The following SPIDR variants were observed in gnomAD, a reference collection of about 807,000 sequenced individuals.
SPIDR encodes the protein scaffold protein involved in DNA repair.
SPIDR carries 93 observed loss-of-function variants against 104.6 expected under a neutral mutation model. That is an observed-to-expected ratio of 0.89 (90% confidence interval 0.75 to 1.06). SPIDR has a LOEUF of 1.06. Ranked by LOEUF, SPIDR falls within the 50% of genes least tolerant of loss-of-function variation. The probability of loss-of-function intolerance (pLI) is 0.00; values close to 1 mark genes in which losing one functional copy is unlikely to be tolerated. For synonymous variants in SPIDR, 431 were observed against 416.9 expected, an observed-to-expected ratio of 1.03 and a Z score of -0.41; for missense variants, 1,154 against 1,111.2, an observed-to-expected ratio of 1.04 and a Z score of -0.55.
rs567311473 is a variant in SPIDR at position 47,702,992 on chromosome 8, G to A, written c.1977+977G>A. On this transcript the variant is annotated intron_variant, in intron 14 of 19. Coordinates refer to ENST00000297423, the MANE Select transcript of SPIDR (RefSeq NM_001080394.4). ...CAGGTGCCCCAGTGCACCACGAGTC[G>A]GGGGACAGTGGTGGGGGTGGCACCA... Among the ~76,000 whole-genome samples the A allele has an allele frequency of 6.6e-5, 10 of 152,304 alleles. No homozygotes were observed. In the East Asian group the frequency reaches 9.7e-4, roughly 15 times the overall value.
chr8:47,520,824 T>C (rs888763619), intron 8 of SPIDR, among the ~76,000 whole-genome samples: 1 of 152,184 alleles, frequency 6.6e-6, no homozygotes, highest in Non-Finnish European at 1.5e-5. Flanking sequence ...TCCTATGATC[T>C]GTAGATGAAA....
intron 5 of SPIDR, among the ~76,000 whole-genome samples, chr8:47,304,800 G>A (rs1391159912): frequency 6.6e-6 from 1 of 152,226 alleles, no homozygotes; most frequent in African/African-American, 2.4e-5. Flanking sequence ...TACATTAAAA[G>A]AATGGTATAT....
At chr8:47,673,267 T>C (rs1028560705) in intron 10 of SPIDR, among the ~76,000 whole-genome samples, 2 of 152,262 alleles carry the variant, frequency 1.3e-5, no homozygotes, top group African/African-American at 4.8e-5. Context: ...TGCTGCAAGC[T>C]GGGACACCAG....
chr8:47,516,453 T>C (rs1468223189), intron 8 of SPIDR, among the ~76,000 whole-genome samples: 1 of 152,160 alleles, frequency 6.6e-6, no homozygotes, highest in Non-Finnish European at 1.5e-5. Context: ...CACAAGTCCC[T>C]AGCAACCTCT....
At position 47,524,368 on chromosome 8, in the gene SPIDR, C is replaced by T. The variant is rs187361777; in HGVS notation, c.1098-71443C>T. Among the ~76,000 whole-genome samples, 130 of 152,328 alleles carry T rather than the reference C, an allele frequency of 8.5e-4. 1 individual carries two copies. The highest frequency in any genetic ancestry group is 3.0e-3 in the African/African-American group (124 of 41,564). ...TTCTCATATACTCTCCTCCCATGTA[C>T]ATCCAGATTAAAATGTGTGTATTTG... On this transcript the variant is annotated intron_variant, in intron 8 of 19. Coordinates refer to ENST00000297423, the MANE Select transcript of SPIDR (RefSeq NM_001080394.4).
rs1563729544 is a variant in SPIDR at position 47,357,864 on chromosome 8, C to T, written c.526-38512C>T. ...GTTAATCGTCTAGTGTTTAAGGCCA[C>T]ATGAAGGTCAGTAAATGATACTGGA... On this transcript the variant is annotated intron_variant, in intron 5 of 19. Transcript: ENST00000297423. 3.0e-6 allele frequency: 3 copies of T among 984,780 alleles called. No individual in the cohort carries two copies. The African/African-American group carries it at 5.2e-5, about 17-fold the overall frequency. The allele number at this position is 984,780 out of a possible 1,614,324, so 61.0% of individuals were successfully genotyped here. A position where few individuals can be genotyped will look rare whatever the true frequency, so the allele number is the denominator to read the frequency against.
In SPIDR at chr8:47,735,590, GGAA is replaced by G; in HGVS notation, c.*141_*143del. The G allele has an allele frequency of 6.7e-7, 1 of 1,499,358 alleles. No individual in the cohort carries two copies. Among genetic ancestry groups the G allele is most frequent in the Non-Finnish European group, 9.0e-7 (1 of 1,115,464 alleles). 92.9% of individuals were successfully genotyped at this position (1,499,358 alleles called of 1,614,324 possible). ...TGAAATGAAACTTAGATTTTTCTGG[GGAA>G]ATGTTCAGATACAGTTTTGTGAACT... On this transcript the variant is annotated 3_prime_UTR_variant, in exon 20 of 20. Transcript: ENST00000297423.
intron 6 of SPIDR, among the ~76,000 whole-genome samples, chr8:47,397,092 C>G (rs1217256831): frequency 1.3e-5 from 2 of 152,014 alleles, no homozygotes; most frequent in African/African-American, 4.8e-5. Context: ...CCATGGTGAG[C>G]AAAGCAGGAA....
At chr8:47,526,125 A>T (rs886622731) in intron 8 of SPIDR, among the ~76,000 whole-genome samples, 2 of 152,186 alleles carry the variant, frequency 1.3e-5, no homozygotes, top group African/African-American at 4.8e-5. Context: ...GAAAGGAAAG[A>T]TGTTCTGTTG....
At chr8:47,328,692 C>A (rs919507141) in intron 5 of SPIDR, among the ~76,000 whole-genome samples, 1 of 152,100 alleles carries the variant, frequency 6.6e-6, no homozygotes, top group Non-Finnish European at 1.5e-5. Flanking sequence ...GTGGAATCTT[C>A]ACTTTTTTAT....
intron 8 of SPIDR, among the ~76,000 whole-genome samples, chr8:47,500,184 T>C (rs533451856): frequency 6.4e-4 from 97 of 152,262 alleles, no homozygotes; most frequent in Middle Eastern, 6.8e-3. Flanking sequence ...GGTCAAATGG[T>C]ATTTCTAGTT....
chr8:47,361,741 G>A (rs546199111), intron 5 of SPIDR, among the ~76,000 whole-genome samples: 112 of 152,280 alleles, frequency 7.4e-4, no homozygotes, highest in African/African-American at 2.5e-3. Flanking sequence ...CTTGCAGGTC[G>A]GAGAACTACA....
At chr8:47,647,220 G>A (rs2070544759) in intron 10 of SPIDR, among the ~76,000 whole-genome samples, 1 of 152,084 alleles carries the variant, frequency 6.6e-6, no homozygotes, top group Non-Finnish European at 1.5e-5. Context: ...AGGTGTTAGG[G>A]ATACAGCAAG....
At chr8:47,582,698 A>G (rs1459459364) in intron 8 of SPIDR, among the ~76,000 whole-genome samples, 1 of 152,014 alleles carries the variant, frequency 6.6e-6, no homozygotes, top group Non-Finnish European at 1.5e-5. Context: ...AATATTCTCT[A>G]TTTTTTAAAA....
chr8:47,306,291 C>G (rs1447247797), intron 5 of SPIDR, among the ~76,000 whole-genome samples: 1 of 152,060 alleles, frequency 6.6e-6, no homozygotes, highest in Non-Finnish European at 1.5e-5. Flanking sequence ...TAGGCGCACG[C>G]CACCACGCCT....
chr8:47,673,024 G>GAA (rs1167541378), intron 10 of SPIDR, among the ~76,000 whole-genome samples: 1 of 152,116 alleles, frequency 6.6e-6, no homozygotes, highest in African/African-American at 2.4e-5. Flanking sequence ...CTTATCTTTA[G>GAA]AACAGTTTTT....
intron 8 of SPIDR, among the ~76,000 whole-genome samples, chr8:47,578,967 G>T (rs1351440768): frequency 6.6e-6 from 1 of 152,180 alleles, no homozygotes; most frequent in Non-Finnish European, 1.5e-5. Flanking sequence ...AAAATAAAAG[G>T]AATATGAGGC....
intron 7 of SPIDR, among the ~76,000 whole-genome samples, chr8:47,420,790 G>A (rs535051264): frequency 3.0e-4 from 45 of 152,196 alleles, no homozygotes; most frequent in African/African-American, 1.1e-3. Context: ...TCCTTCAGGA[G>A]CTCTTTTAGG....
intron 8 of SPIDR, among the ~76,000 whole-genome samples, chr8:47,533,526 C>T (rs2086374747): frequency 6.6e-6 from 1 of 152,032 alleles, no homozygotes; most frequent in African/African-American, 2.4e-5. Context: ...ATGCATCTGA[C>T]AAAGGTCTAA....
Sources: allele counts gnomAD v4.1 joint callset (sites outside exome capture counted in the v4.1 genomes callset), GRCh38; gene constraint gnomAD v4.1.1; transcripts MANE v1.5; gene names NCBI Gene and HGNC (gene_info 2026-07-23, HGNC 2026-07-21).